FAAH2: variants seen among roughly 807,000 people sequenced by gnomAD.
FAAH2 encodes fatty-acid amide hydrolase 2.
In FAAH2, 60 loss-of-function variants were observed where a neutral mutation model predicts 36.9. The ratio of observed to expected loss-of-function variants is 1.63; its 90% CI spans 1.32 to 2.02. The LOEUF (loss-of-function observed/expected upper bound fraction) is 2.02, where lower values mean the gene tolerates loss of function less well. Among genes scored for constraint, FAAH2 ranks in the 30% most tolerant of loss-of-function variants. The pLI is 0.00. For synonymous variants in FAAH2, 214 were observed against 143.8 expected (o/e 1.49, Z -3.49); for missense variants, 689 against 397.5 (o/e 1.73, Z -6.23).
intron 10 of FAAH2, among the ~76,000 whole-genome samples, chrX:57,459,771 C>A (rs1437825792): frequency 1.8e-5 from 2 of 112,033 alleles, no homozygotes; most frequent in Non-Finnish European, 3.8e-5. Context: ...TGCTAAAAGA[C>A]AAACTAACAA....
chrX:57,338,677 C>T (rs780557775), intron 4 of FAAH2, among the ~76,000 whole-genome samples: 2 of 110,603 alleles, frequency 1.8e-5, no homozygotes, highest in South Asian at 3.8e-4. Context: ...CAAAAGAATA[C>T]GATACCTAAG....
the FAAH2 span, among the ~76,000 whole-genome samples, chrX:57,144,772 T>C: frequency 9.0e-6 from 1 of 111,044 alleles, no homozygotes; most frequent in Non-Finnish European, 1.9e-5. Context: ...ACATACAATG[T>C]TTGGTTTTTT....
the FAAH2 span, among the ~76,000 whole-genome samples, chrX:57,266,231 C>A: frequency 6.2e-5 from 7 of 112,084 alleles, no homozygotes; most frequent in African/African-American, 1.6e-4. Context: ...CTCTGCCTCC[C>A]TGGGATGAAG....
chrX:57,386,836 A>G (rs1375070214), intron 7 of FAAH2, among the ~76,000 whole-genome samples: 3 of 112,325 alleles, frequency 2.7e-5, no homozygotes, highest in Non-Finnish European at 5.6e-5. Flanking sequence ...AGTGTTGCAG[A>G]CCTCATCACC....
At chrX:57,448,921 C>A (rs1474310877) in intron 10 of FAAH2, among the ~76,000 whole-genome samples, 1 of 111,909 alleles carries the variant, frequency 8.9e-6, no homozygotes, top group Non-Finnish European at 1.9e-5. Flanking sequence ...CCACAATAAT[C>A]CTACAAGTGC....
the FAAH2 span, among the ~76,000 whole-genome samples, chrX:57,155,634 G>A: frequency 6.3e-3 from 710 of 112,330 alleles, 3 homozygotes; most frequent in Middle Eastern, 0.018. Flanking sequence ...GTCTGCACAC[G>A]AGTTTCACGT....
chrX:57,148,990 G>A, the FAAH2 span, among the ~76,000 whole-genome samples: 4 of 111,793 alleles, frequency 3.6e-5, no homozygotes, highest in African/African-American at 1.3e-4. Context: ...TTTTGTCAAA[G>A]GCCTTTTCTG....
chrX:57,461,148 A>AC (rs1163133408), intron 10 of FAAH2, among the ~76,000 whole-genome samples: 2 of 109,741 alleles, frequency 1.8e-5, no homozygotes, highest in Non-Finnish European at 3.8e-5. Context: ...AGATTAATAA[A>AC]AAAAAAAAAG....
intron 5 of FAAH2, among the ~76,000 whole-genome samples, chrX:57,343,044 A>G (rs933835075): frequency 6.3e-5 from 7 of 111,933 alleles, no homozygotes; most frequent in Admixed American, 3.8e-4. Flanking sequence ...AGCTGGATTG[A>G]TTCCATGTCT....
At chrX:57,219,861 G>GTTTTT in the FAAH2 span, among the ~76,000 whole-genome samples, 5 of 50,652 alleles carry the variant, frequency 9.9e-5, no homozygotes, top group African/African-American at 8.7e-4. Context: ...TAAGCGCCTT[G>GTTTTT]TCTTTTTTTT....
chrX:57,281,129 G>A, the FAAH2 span, among the ~76,000 whole-genome samples: 1 of 111,599 alleles, frequency 9.0e-6, no homozygotes, highest in South Asian at 3.7e-4. Context: ...TGAAGAAAAT[G>A]TTCTATATTA....
chrX:57,155,075 C>T, the FAAH2 span, among the ~76,000 whole-genome samples: 1 of 111,894 alleles, frequency 8.9e-6, no homozygotes, highest in Non-Finnish European at 1.9e-5. Flanking sequence ...GCACCTGCTG[C>T]TGTGGGGATG....
intron 10 of FAAH2, among the ~76,000 whole-genome samples, chrX:57,470,537 A>T (rs1348916359): frequency 9.0e-6 from 1 of 111,216 alleles, no homozygotes; most frequent in Admixed American, 9.6e-5. Flanking sequence ...ACCCCCTAAG[A>T]CTAAACCAGG....
chrX:57,405,418 C>T (rs772367711), intron 7 of FAAH2, among the ~76,000 whole-genome samples: 46 of 110,764 alleles, frequency 4.2e-4, no homozygotes, highest in Non-Finnish European at 7.9e-4. Context: ...TTGATAAGGA[C>T]GAACCCAGGC....
chrX:57,477,343 A>T (rs1235131516), intron 10 of FAAH2, among the ~76,000 whole-genome samples: 1 of 111,285 alleles, frequency 9.0e-6, no homozygotes, highest in Non-Finnish European at 1.9e-5. Context: ...AAAGCAGGAT[A>T]TTAAGCTGTA....
the FAAH2 span, among the ~76,000 whole-genome samples, chrX:57,250,213 A>T: frequency 8.9e-6 from 1 of 112,435 alleles, no homozygotes; most frequent in Non-Finnish European, 1.9e-5. Flanking sequence ...CTATACAACT[A>T]AACTCCTTCA....
At chrX:57,312,803 A>T (rs946280031) in intron 3 of FAAH2, among the ~76,000 whole-genome samples, 2 of 112,132 alleles carry the variant, frequency 1.8e-5, no homozygotes, top group Non-Finnish European at 1.9e-5. Flanking sequence ...AATCAGTGCA[A>T]GAACTCTGGA....
the FAAH2 span, among the ~76,000 whole-genome samples, chrX:57,226,901 T>G: frequency 1.8e-5 from 2 of 112,309 alleles, no homozygotes; most frequent in East Asian, 5.6e-4. Context: ...AGACTTTGTC[T>G]TCAAGCTCTG....
chrX:57,243,267 A>G, the FAAH2 span, among the ~76,000 whole-genome samples: 1 of 112,063 alleles, frequency 8.9e-6, no homozygotes, highest in Admixed American at 9.4e-5. Context: ...GCTTATAGAT[A>G]AAACTTTCAT....
Sources: gnomAD v4.1 joint callset for allele counts (sites outside exome capture counted in the v4.1 genomes callset) on GRCh38, gnomAD v4.1.1 for gene constraint, MANE v1.5 for transcripts, NCBI Gene and HGNC (gene_info 2026-07-23, HGNC 2026-07-21) for gene names.